Variants in PTTG1IP observed in about 807,000 individuals in gnomAD.
The protein encoded by PTTG1IP is pituitary tumor-transforming gene 1 protein-interacting protein.
A neutral mutation model predicts 24.4 loss-of-function variants in PTTG1IP; 16 were observed. The ratio of observed to expected loss-of-function variants is 0.66; its 90% CI spans 0.44 to 1.00. The LOEUF is 1.00. Among genes scored for constraint, PTTG1IP ranks in the 50% least tolerant of loss-of-function variants. The pLI is 0.00. For missense variants in PTTG1IP, 241 were observed against 245.8 expected (o/e 0.98, Z 0.13); for synonymous variants, 89 against 96.8 (o/e 0.92, Z 0.47).
chr21:44,850,803 G>A lies in PTTG1IP; in HGVS notation c.*778C>T, dbSNP rs1256580711. On this transcript the variant is annotated 3_prime_UTR_variant, in exon 6 of 6. Coordinates refer to ENST00000330938, the MANE Select transcript of PTTG1IP (RefSeq NM_004339.4). ...ACGAGCAGTCAACTGGTGCTGCTGA[G>A]GCAGGCCAAACACCACATTTATAAT... The A allele has an allele frequency of 6.5e-6, 1 of 152,800 alleles. No homozygotes were observed. The highest frequency in any genetic ancestry group is 6.5e-5 in the Admixed American group (1 of 15,372). The allele number at this position is 152,800 out of a possible 1,614,324, so 9.5% of individuals were successfully genotyped here. A position where few individuals can be genotyped will look rare whatever the true frequency, so the allele number is the denominator to read the frequency against.
At chr21:44,858,528 T>C (rs998422086) in intron 3 of PTTG1IP, among the ~76,000 whole-genome samples, 1 of 152,102 alleles carries the variant, frequency 6.6e-6, no homozygotes, top group Admixed American at 6.5e-5. Flanking sequence ...AGCCTCAGAA[T>C]TAACCAAACA....
Position 44,873,430 on chromosome 21 carries a change from G to T in PTTG1IP, c.115+72C>A. The T allele has an allele frequency of 2.5e-6, 3 of 1,216,196 alleles. No individual in the cohort carries two copies. The South Asian group carries it at 9.6e-5, about 39-fold the overall frequency. 75.3% of individuals were successfully genotyped at this position (1,216,196 alleles called of 1,614,324 possible). On this transcript the variant is annotated intron_variant, in intron 1 of 5. Transcript: ENST00000330938. ...AGCCCAGCGCCCTGGCCGAAACCCCGACCCCGACCCCGACCTGGACCCACC... is the reference window on the plus strand; with the variant it reads ...AGCCCAGCGCCCTGGCCGAAACCCCTACCCCGACCCCGACCTGGACCCACC...
rs1325817070 is a variant in PTTG1IP at position 44,850,672 on chromosome 21, C to T, written c.*909G>A. ...TCCCCACGATCCCTAAATGGCCACC[C>T]CCCAGACAGCCCAACAGGCAGCGAG... is the stretch of plus-strand genomic sequence containing the variant. On this transcript the variant is annotated 3_prime_UTR_variant, in exon 6 of 6. Coordinates refer to ENST00000330938, the MANE Select transcript of PTTG1IP (RefSeq NM_004339.4). The T allele has an allele frequency of 6.6e-6, 1 of 152,348 alleles. No individual in the cohort carries two copies. The highest frequency in any genetic ancestry group is 1.5e-5 in the Non-Finnish European group (1 of 68,138). 9.4% of individuals were successfully genotyped at this position (152,348 alleles called of 1,614,324 possible).
chr21:44,853,423 G>A (rs1421721291), intron 5 of PTTG1IP, among the ~76,000 whole-genome samples: 10 of 151,732 alleles, frequency 6.6e-5, no homozygotes, highest in African/African-American at 2.4e-4. Context: ...CAGAAGAATG[G>A]TGTGAACCTG....
chr21:44,860,960 C>T (rs112534355), intron 3 of PTTG1IP, among the ~76,000 whole-genome samples: 238 of 152,196 alleles, frequency 1.6e-3, no homozygotes, highest in African/African-American at 5.4e-3. Context: ...CATGCCACCA[C>T]GCCCACCTAA....
At chr21:44,855,827 T>C (rs1460903120) in intron 4 of PTTG1IP, among the ~76,000 whole-genome samples, 1 of 152,160 alleles carries the variant, frequency 6.6e-6, no homozygotes, top group Non-Finnish European at 1.5e-5. Flanking sequence ...ACAGGAGAGC[T>C]GACCCAGCCA....
intron 4 of PTTG1IP, 47 bp from the exon 5 acceptor site, chr21:44,855,303 G>A: frequency 6.4e-7 from 1 of 1,563,576 alleles, no homozygotes; most frequent in Non-Finnish European, 8.8e-7. Context: ...AGCGCACGGT[G>A]GTGTAACTGC....
chr21:44,865,712 G>A, intron 1 of PTTG1IP: 1 of 574,576 alleles, frequency 1.7e-6, no homozygotes, highest in Middle Eastern at 4.5e-4. Context: ...TCTTCTGGGA[G>A]AGAAGAGTGC....
intron 5 of PTTG1IP, among the ~76,000 whole-genome samples, chr21:44,853,566 G>A (rs1187941505): frequency 6.6e-6 from 1 of 151,636 alleles, no homozygotes; most frequent in Non-Finnish European, 1.5e-5. Flanking sequence ...CCATTTCAAG[G>A]AAAGCACAAT....
At chr21:44,865,632 C>T (rs181360122) in intron 1 of PTTG1IP, 185 bp from the exon 2 acceptor site, 29 of 654,762 alleles carry the variant, frequency 4.4e-5, no homozygotes, top group African/African-American at 1.3e-4. Flanking sequence ...ACATGTGGAA[C>T]GAGTGTTCAG....
rs925653056 is a variant in PTTG1IP, at chr21:44,856,058, T to A, written c.449+135A>T. ...TCGCTCTCTACCACGACCTAGAAGA[T>A]CCCCTGGGCACTATACACATTCTTA... On this transcript the variant is annotated intron_variant, in intron 4 of 5. Coordinates refer to ENST00000330938, the MANE Select transcript of PTTG1IP (RefSeq NM_004339.4). The A allele has an allele frequency of 1.9e-6, 3 of 1,543,608 alleles. No homozygotes were observed. In the African/African-American group the frequency reaches 4.1e-5, roughly 21 times the overall value.
At chr21:44,860,240 G>T (rs1233617376) in intron 3 of PTTG1IP, among the ~76,000 whole-genome samples, 2 of 152,126 alleles carry the variant, frequency 1.3e-5, no homozygotes, top group East Asian at 3.9e-4. Context: ...GTGGTGGCGG[G>T]CACCTGTAGT....
chr21:44,854,064 C>T (rs1351646444), intron 5 of PTTG1IP, among the ~76,000 whole-genome samples: 1 of 152,158 alleles, frequency 6.6e-6, no homozygotes, highest in African/African-American at 2.4e-5. Flanking sequence ...AGCATGGGGC[C>T]TCTGCAGCCC....
chr21:44,851,138 A>C lies in PTTG1IP; in HGVS notation c.*443T>G. On this transcript the variant is annotated 3_prime_UTR_variant, in exon 6 of 6. Coordinates refer to ENST00000330938, the MANE Select transcript of PTTG1IP (RefSeq NM_004339.4). ...GACGCTGTCCGTGGTTTTATGGGGAATGATGAGGGCTGGTCAGTTCTCCTC... is the reference window on the plus strand; with the variant it reads ...GACGCTGTCCGTGGTTTTATGGGGACTGATGAGGGCTGGTCAGTTCTCCTC... 3.9e-6 allele frequency: 2 copies of C among 515,992 alleles called. No individual in the cohort carries two copies. The highest frequency in any genetic ancestry group is 6.8e-6 in the Non-Finnish European group (2 of 294,444). The allele number at this position is 515,992 out of a possible 1,614,324, so 32.0% of individuals were successfully genotyped here.
At chr21:44,863,545 G>A (rs900605882) in intron 2 of PTTG1IP, among the ~76,000 whole-genome samples, 8 of 152,152 alleles carry the variant, frequency 5.3e-5, no homozygotes, top group African/African-American at 1.9e-4. Context: ...TCCCTCAGCC[G>A]CCTCATCCAC....
intron 5 of PTTG1IP, among the ~76,000 whole-genome samples, chr21:44,854,587 G>A (rs1297166592): frequency 2.0e-5 from 3 of 152,264 alleles, no homozygotes. Flanking sequence ...TCAGTGTTAA[G>A]CAGTGAACAT....
At chr21:44,870,700 C>A (rs984181778) in intron 1 of PTTG1IP, among the ~76,000 whole-genome samples, 1 of 152,188 alleles carries the variant, frequency 6.6e-6, no homozygotes, top group African/African-American at 2.4e-5. Context: ...AAGTCTAACA[C>A]TGAATGTGAC....
intron 2 of PTTG1IP, among the ~76,000 whole-genome samples, chr21:44,863,227 A>ACCATAG (rs2083507863): frequency 9.2e-6 from 1 of 109,270 alleles, no homozygotes; most frequent in Non-Finnish European, 1.8e-5. Context: ...GACACAGCCC[A>ACCATAG]CCACGGCCTC....
intron 5 of PTTG1IP, among the ~76,000 whole-genome samples, chr21:44,854,058 T>TG (rs998323522): frequency 2.6e-5 from 4 of 152,112 alleles, no homozygotes; most frequent in East Asian, 1.9e-4. Context: ...ACCAGCAGCA[T>TG]GGGGCCTCTG....
Sources: gnomAD v4.1 joint callset for allele counts (sites outside exome capture counted in the v4.1 genomes callset) on GRCh38, gnomAD v4.1.1 for gene constraint, MANE v1.5 for transcripts, NCBI Gene and HGNC (gene_info 2026-07-23, HGNC 2026-07-21) for gene names.